Variants in HPS5 observed in about 807,000 individuals in gnomAD.
HPS5 encodes BLOC-2 complex member HPS5.
A neutral mutation model predicts 128.0 loss-of-function variants in HPS5; 83 were observed. The ratio of observed to expected loss-of-function variants is 0.65; its 90% CI spans 0.54 to 0.78. The LOEUF (loss-of-function observed/expected upper bound fraction) is 0.78, where lower values mean the gene tolerates loss of function less well. Ranked by LOEUF, HPS5 falls within the 30% of genes least tolerant of loss-of-function variation. The pLI, the probability that HPS5 is intolerant of heterozygous loss-of-function variation, is 0.00. For synonymous variants in HPS5, 475 were observed against 470.2 expected, an observed-to-expected ratio of 1.01 and a Z score of -0.13; for missense variants, 1,281 against 1,326.2, an observed-to-expected ratio of 0.97 and a Z score of 0.53.
Position 18,297,541 on chromosome 11 carries a change from A to G in HPS5, c.1323+18T>C, listed in dbSNP as rs762074346. The G allele has an allele frequency of 5.6e-6, 9 of 1,609,370 alleles. No individual in the cohort carries two copies. Among genetic ancestry groups the G allele is most frequent in the Non-Finnish European group, 7.7e-6 (9 of 1,176,444 alleles). The stretch of plus-strand genomic sequence containing the variant: ...AAAATCTTACCCTACAAAATCCTTT[A>G]AAGGTGAGAATACTTACATGTGATG... On this transcript the variant is annotated intron_variant, in intron 11 of 22. Transcript: ENST00000349215.
chr11:18,290,097 C>A (rs1252080414), intron 16 of HPS5, among the ~76,000 whole-genome samples: 38 of 152,196 alleles, frequency 2.5e-4, no homozygotes, highest in Admixed American at 2.2e-3. Flanking sequence ...CACTACCAGG[C>A]CAGGCCTATA....
At position 18,317,848 on chromosome 11, in the gene HPS5, A is replaced by C; in HGVS notation, c.11T>G (p.Val4Gly). The C allele has an allele frequency of 6.2e-7, 1 of 1,613,356 alleles. No homozygotes were observed. The highest frequency in any genetic ancestry group is 8.5e-7 in the Non-Finnish European group (1 of 1,179,612). Reference sequence around the variant, plus strand: ...GCTGTAGGACTCTGGTATCACTGGCACAAAAGCCATTTAGCCAGAAAGCTG... The same window carrying C: ...GCTGTAGGACTCTGGTATCACTGGCCCAAAAGCCATTTAGCCAGAAAGCTG... MAF[V>G]PVIPESYSHV... is the part of the protein sequence containing the mutation. The change falls in exon 2 of 23, where the codon GTG becomes GGG. Residue 4 changes from valine to glycine, a missense_variant. Val to Gly is a moderately radical substitution (Grantham distance 109). Coordinates refer to ENST00000349215, the MANE Select transcript of HPS5 (RefSeq NM_181507.2).
At chr11:18,318,947 G>C (rs1490075162) in intron 1 of HPS5, among the ~76,000 whole-genome samples, 1 of 147,978 alleles carries the variant, frequency 6.8e-6, no homozygotes, top group Non-Finnish European at 1.5e-5. Context: ...GCAAAACGAA[G>C]ACTATATTTT....
In HPS5 at chr11:18,310,787, G is replaced by A; in HGVS notation, c.431C>T (p.Ala144Val). The A allele has an allele frequency of 6.2e-7, 1 of 1,614,088 alleles. No individual in the cohort carries two copies. The highest frequency in any genetic ancestry group is 8.5e-7 in the Non-Finnish European group (1 of 1,179,982). ...AILRVFVGDHAGKVSAIKLNT... is the reference protein window; with the variant it reads ...AILRVFVGDHVGKVSAIKLNT... Reference sequence around the variant, plus strand: ...GAGTTTGATAGCAGAAACCTTCCCAGCATGATCACCTACAAAAACTCTAAG... The same window carrying A: ...GAGTTTGATAGCAGAAACCTTCCCAACATGATCACCTACAAAAACTCTAAG... Residue 144 changes from alanine (A) to valine (V), a missense_variant, in exon 5 of 23, where the codon GCT becomes GTT. Transcript: ENST00000349215.
At chr11:18,320,024 C>T (rs1233604530) in intron 1 of HPS5, among the ~76,000 whole-genome samples, 4 of 151,388 alleles carry the variant, frequency 2.6e-5, no homozygotes, top group East Asian at 1.9e-4. Context: ...GCCTTAATCT[C>T]GGTAAAAAGA....
chr11:18,313,901 A>G (rs1286165814), intron 2 of HPS5, among the ~76,000 whole-genome samples: 1 of 128,494 alleles, frequency 7.8e-6, no homozygotes, highest in Non-Finnish European at 1.7e-5. Context: ...TGACAGAGCT[A>G]GACTCCGTCT....
chr11:18,291,394 G>T, intron 16 of HPS5, 48 bp downstream of exon 16: 1 of 1,265,750 alleles, frequency 7.9e-7, no homozygotes, highest in Non-Finnish European at 1.1e-6. Context: ...AACTGCTAAT[G>T]TTTTTTAATA....
At chr11:18,312,423 A>T (rs568005585) in intron 2 of HPS5, among the ~76,000 whole-genome samples, 1 of 152,314 alleles carries the variant, frequency 6.6e-6, no homozygotes, top group South Asian at 2.1e-4. Flanking sequence ...AATCATTTCT[A>T]ATCTGTACAA....
chr11:18,298,846 C>G lies in HPS5; in HGVS notation c.1110G>C (p.Trp370Cys). 6.2e-7 allele frequency: 1 copy of G among 1,614,184 alleles called. No individual in the cohort carries two copies. Among genetic ancestry groups the G allele is most frequent in the Non-Finnish European group, 8.5e-7 (1 of 1,180,040 alleles). The change falls in exon 10 of 23, where the codon TGG becomes TGC. Residue 370 changes from tryptophan (W) to cysteine (C), a missense_variant. Physicochemically the swap from Trp to Cys is radical, Grantham distance 215. Transcript: ENST00000349215. ...GACAGCATGTACGAGCAGCCAAGTT[C>G]CATAGGCCTCTTCTTAGCAGGCGTT... Reference protein sequence around the residue: ...CVERLLRRGLWNLAARTCCLF... With the variant: ...CVERLLRRGLCNLAARTCCLF...
chr11:18,306,670 C>T (rs1657395335), intron 6 of HPS5, among the ~76,000 whole-genome samples: 1 of 152,204 alleles, frequency 6.6e-6, no homozygotes, highest in Non-Finnish European at 1.5e-5. Flanking sequence ...TTTCGTACAT[C>T]CTTGAATCCT....
intron 3 of HPS5, 60 bp from the exon 4 acceptor site, chr11:18,311,511 A>ATTTC: frequency 3.8e-6 from 2 of 530,694 alleles, no homozygotes; most frequent in Non-Finnish European, 5.8e-6. Context: ...TATTATTATT[A>ATTTC]TTTTTTTTTT....
In HPS5 at chr11:18,282,252, CACTCT is replaced by C. The variant is rs754908191; in HGVS notation, c.3059-37_3059-33del. 43 of 1,612,480 alleles carry C rather than the reference CACTCT, an allele frequency of 2.7e-5. No individual in the cohort carries two copies. In the Admixed American group the frequency reaches 7.2e-4, roughly 27 times the overall value. ...ACACACAGGGAAGTGTCAGTTTGAC[CACTCT>C]TAGCACACTGACTGGATACAGGAGA... On this transcript the variant is annotated intron_variant, in intron 21 of 22. Coordinates refer to ENST00000349215, the MANE Select transcript of HPS5 (RefSeq NM_181507.2).
At chr11:18,302,126 C>T (rs2134388231) in intron 8 of HPS5, among the ~76,000 whole-genome samples, 1 of 152,220 alleles carries the variant, frequency 6.6e-6, no homozygotes, top group East Asian at 1.9e-4. Flanking sequence ...TCTTGAACCT[C>T]ACCTCCTGGG....
chr11:18,278,759 G>A lies in HPS5; in HGVS notation c.*1123C>T, dbSNP rs1292221208. On this transcript the variant is annotated 3_prime_UTR_variant, in exon 23 of 23. Transcript: ENST00000349215. ...CCTCCTGTCTACATTGTGTTCCAATGAAAACTTTAGTCATATTTTACATTT... is the reference window on the plus strand; with the variant it reads ...CCTCCTGTCTACATTGTGTTCCAATAAAAACTTTAGTCATATTTTACATTT... 1 of 152,302 alleles carries A rather than the reference G, an allele frequency of 6.6e-6. No individual in the cohort carries two copies. Among genetic ancestry groups the A allele is most frequent in the Non-Finnish European group, 1.5e-5 (1 of 68,036 alleles). 9.4% of individuals were successfully genotyped at this position (152,302 alleles called of 1,614,324 possible).
chr11:18,295,315 A>C, intron 13 of HPS5, 146 bp from the exon 14 acceptor site: 1 of 676,574 alleles, frequency 1.5e-6, no homozygotes, highest in Non-Finnish European at 2.6e-6. Flanking sequence ...TTCTCTGTTC[A>C]AATAATAGTA....
chr11:18,300,722 T>G (rs1040241940), intron 9 of HPS5, 106 bp downstream of exon 9: 5 of 505,252 alleles, frequency 9.9e-6, no homozygotes, highest in African/African-American at 2.1e-5. Context: ...AAAAAAAAAG[T>G]CATCCCATCC....
chr11:18,317,748 C>A lies in HPS5; in HGVS notation c.108+3G>T. On this transcript the variant is annotated splice_donor_region_variant and intron_variant, in intron 2 of 22. Coordinates refer to ENST00000349215, the MANE Select transcript of HPS5 (RefSeq NM_181507.2). ...AAACTGATACAAGGATCAAGAAATT[C>A]ACCTTTAGACGACTGGAGTCCAGCC... 1 of 1,613,054 alleles carries A rather than the reference C, an allele frequency of 6.2e-7. No homozygotes were observed. Among genetic ancestry groups the A allele is most frequent in the Non-Finnish European group, 8.5e-7 (1 of 1,179,560 alleles).
Position 18,291,749 on chromosome 11 carries a change from C to A in HPS5, c.2133G>T (p.Arg711Ser), listed in dbSNP as rs760637587. 6.2e-7 allele frequency: 1 copy of A among 1,614,190 alleles called. No homozygotes were observed. Among genetic ancestry groups the A allele is most frequent in the East Asian group, 2.2e-5 (1 of 44,894 alleles). The change falls in exon 16 of 23, where the codon AGG (arginine) becomes AGT (serine). Residue 711 changes from arginine (R) to serine (S), a missense_variant. Arg to Ser is a moderately radical substitution (Grantham distance 110). Coordinates refer to ENST00000349215, the MANE Select transcript of HPS5 (RefSeq NM_181507.2). ...SVDKTACECV[R>S]SPRESLDDLF... ...GGTCATCCAAAGACTCCCTTGGACT[C>A]CTTACACATTCACATGCTGTTTTAT...
intron 20 of HPS5, among the ~76,000 whole-genome samples, chr11:18,284,133 C>G (rs1481736348): frequency 6.6e-6 from 1 of 150,996 alleles, no homozygotes; most frequent in Non-Finnish European, 1.5e-5. Context: ...TCTCCACTAT[C>G]ACAGAAAGTT....
Sources: gnomAD v4.1 joint callset for allele counts (sites outside exome capture counted in the v4.1 genomes callset) on GRCh38, gnomAD v4.1.1 for gene constraint, MANE v1.5 for transcripts, NCBI Gene and HGNC (gene_info 2026-07-23, HGNC 2026-07-21) for gene names.